Variants in PRDM16 observed in about 807,000 individuals in gnomAD.
The protein encoded by PRDM16 is PR/SET domain 16.
PRDM16 carries 23 observed loss-of-function variants against 110.6 expected under a neutral mutation model. The ratio of observed to expected loss-of-function variants is 0.21; its 90% confidence interval spans 0.15 to 0.29. The LOEUF is 0.29. Ranked by LOEUF, PRDM16 falls within the 10% of genes least tolerant of loss-of-function variation. The probability of loss-of-function intolerance (pLI) is 1.00; values close to 1 mark genes in which losing one functional copy is unlikely to be tolerated. For synonymous variants in PRDM16, 799 were observed against 781.8 expected, an observed-to-expected ratio of 1.02 and a Z score of -0.37; for missense variants, 1,615 against 1,794.3, an observed-to-expected ratio of 0.90 and a Z score of 1.81.
chr1:3,093,826 G>T (rs756845032), intron 1 of PRDM16, among the ~76,000 whole-genome samples: 1 of 152,208 alleles, frequency 6.6e-6, no homozygotes, highest in Non-Finnish European at 1.5e-5. Flanking sequence ...GCTCCGAAGC[G>T]CAGGGAAGGA....
chr1:3,359,151 C>G lies in PRDM16; in HGVS notation c.439-26001C>G, dbSNP rs1224504327. Among the ~76,000 whole-genome samples the G allele has an allele frequency of 1.3e-5, 2 of 152,204 alleles. No individual in the cohort carries two copies. Among genetic ancestry groups the G allele is most frequent in the Non-Finnish European group, 2.9e-5 (2 of 68,042 alleles). On this transcript the variant is annotated intron_variant, in intron 3 of 16. Transcript: ENST00000270722. The surrounding 1 kb of genome is among the most constrained non-coding windows in gnomAD (Gnocchi z 4.3). Reference sequence around the variant, plus strand: ...ACCTCCCGGGCTCAAGCGATCCTCCCTCCTCAGCCTCCCGAGTAGCTGGGA... The same window carrying G: ...ACCTCCCGGGCTCAAGCGATCCTCCGTCCTCAGCCTCCCGAGTAGCTGGGA...
chr1:3,316,176 A>T lies in PRDM16; in HGVS notation c.439-68976A>T, dbSNP rs535945713. ...GGGCGGGAGGGACCTTTCAGCTCTG[A>T]TTAAAGTGGCAAGTCCAGGGCCACA... is the stretch of plus-strand genomic sequence containing the variant. On this transcript the variant is annotated intron_variant, in intron 3 of 16. Transcript: ENST00000270722. 6.0e-5 allele frequency among the ~76,000 whole-genome samples: 9 copies of T among 150,862 alleles called. No individual in the cohort carries two copies. In the East Asian group the frequency reaches 1.6e-3, roughly 26 times the overall value.
At chr1:3,082,203 G>T (rs915078723) in intron 1 of PRDM16, among the ~76,000 whole-genome samples, 6 of 152,158 alleles carry the variant, frequency 3.9e-5, no homozygotes, top group African/African-American at 1.4e-4. Flanking sequence ...GGAGGCCCCC[G>T]CGGCCAGGCC....
chr1:3,106,911 G>T lies in PRDM16; in HGVS notation c.37+37615G>T, dbSNP rs531584614. Reference sequence around the variant, plus strand: ...GCAGGTGTGGCTCCATGACAACAGCGCCTGGGGCCAACAGAGCCCTGCCAC... The same window carrying T: ...GCAGGTGTGGCTCCATGACAACAGCTCCTGGGGCCAACAGAGCCCTGCCAC... On this transcript the variant is annotated intron_variant, in intron 1 of 16. Transcript: ENST00000270722. 7.4e-4 allele frequency among the ~76,000 whole-genome samples: 113 copies of T among 152,296 alleles called. 1 individual carries two copies. Among genetic ancestry groups the T allele is most frequent in the Middle Eastern group, 3.4e-3 (1 of 294 alleles).
chr1:3,134,861 G>A (rs994594019), intron 1 of PRDM16, among the ~76,000 whole-genome samples: 2 of 152,246 alleles, frequency 1.3e-5, no homozygotes, highest in Admixed American at 6.5e-5. Context: ...CCGAACCCGC[G>A]TGGGACACCC....
At chr1:3,377,814 T>C (rs1557641522) in intron 3 of PRDM16, among the ~76,000 whole-genome samples, 1 of 152,190 alleles carries the variant, frequency 6.6e-6, no homozygotes, top group Non-Finnish European at 1.5e-5. Context: ...CCTGTGTTCA[T>C]TGATCACGCG....
chr1:3,316,588 C>T (rs775058302), intron 3 of PRDM16, among the ~76,000 whole-genome samples: 1 of 152,112 alleles, frequency 6.6e-6, no homozygotes, highest in African/African-American at 2.4e-5. Context: ...ACAGGGTAGA[C>T]AGGAAACAGC....
At chr1:3,230,346 C>A (rs1015891414) in intron 2 of PRDM16, among the ~76,000 whole-genome samples, 3 of 152,216 alleles carry the variant, frequency 2.0e-5, no homozygotes, top group African/African-American at 7.2e-5. Flanking sequence ...TGGGACGAGT[C>A]CTTGGGGTAG....
chr1:3,215,829 G>A (rs887314059), intron 2 of PRDM16, among the ~76,000 whole-genome samples: 4 of 152,122 alleles, frequency 2.6e-5, no homozygotes, highest in Admixed American at 6.5e-5. Flanking sequence ...AAGGCGCGGC[G>A]TCGGCAACAA....
At chr1:3,394,461 G>A (rs575051145) in intron 4 of PRDM16, 2 of 419,646 alleles carry the variant, frequency 4.8e-6, no homozygotes, top group African/African-American at 4.7e-5. Context: ...CTCACGTCAG[G>A]ACCCTCGACG....
chr1:3,438,258 A>G lies in PRDM16; in HGVS notation c.*4447A>G, dbSNP rs1464032048. 1 of 201,096 alleles carries G rather than the reference A, an allele frequency of 5.0e-6. No homozygotes were observed. Among genetic ancestry groups the G allele is most frequent in the African/African-American group, 2.3e-5 (1 of 43,502 alleles). The allele number at this position is 201,096 out of a possible 1,614,324, so 12.5% of individuals were successfully genotyped here. A position where few individuals can be genotyped will look rare whatever the true frequency, so the allele number is the denominator to read the frequency against. On this transcript the variant is annotated 3_prime_UTR_variant, in exon 17 of 17. Coordinates refer to ENST00000270722, the MANE Select transcript of PRDM16 (RefSeq NM_022114.4). The stretch of plus-strand genomic sequence containing the variant: ...TGTTGGTGAAATTTTTATTAAAAGG[A>G]AAATTCTGTAGATGCACTTATTGAA...
rs1643131424 is a variant in PRDM16, at chr1:3,382,996, G to A, written c.439-2156G>A. ...CCGCCAATGTTTTCCTCGGGCTCCAGCCCCTAGCCTAGTTATGCTTCTTGG... is the reference window on the plus strand; with the variant it reads ...CCGCCAATGTTTTCCTCGGGCTCCAACCCCTAGCCTAGTTATGCTTCTTGG... On this transcript the variant is annotated intron_variant, in intron 3 of 16. Coordinates refer to ENST00000270722, the MANE Select transcript of PRDM16 (RefSeq NM_022114.4). The surrounding 1 kb of genome is among the most constrained non-coding windows in gnomAD (Gnocchi z 6.6). Among the ~76,000 whole-genome samples, 2 of 152,222 alleles carry A rather than the reference G, an allele frequency of 1.3e-5. No individual in the cohort carries two copies. Among genetic ancestry groups the A allele is most frequent in the Admixed American group, 1.3e-4 (2 of 15,292 alleles).
chr1:3,229,807 C>T (rs989255028), intron 2 of PRDM16, among the ~76,000 whole-genome samples: 11 of 152,182 alleles, frequency 7.2e-5, no homozygotes, highest in Non-Finnish European at 8.8e-5. Context: ...GGAGCAGCCC[C>T]CAGAGGAGCC....
At chr1:3,114,175 G>GCACA (rs59552389) in intron 1 of PRDM16, among the ~76,000 whole-genome samples, 5 of 112,896 alleles carry the variant, frequency 4.4e-5, no homozygotes, top group Admixed American at 1.7e-4. Context: ...GCACACACAC[G>GCACA]CACACACACG....
rs1441763517 is a variant in PRDM16 at position 3,129,582 on chromosome 1, G to A, written c.38-56543G>A. 2.0e-5 allele frequency among the ~76,000 whole-genome samples: 3 copies of A among 152,110 alleles called. No homozygotes were observed. The East Asian group carries it at 5.8e-4, about 29-fold the overall frequency. On this transcript the variant is annotated intron_variant, in intron 1 of 16. Transcript: ENST00000270722. The stretch of plus-strand genomic sequence containing the variant: ...GGCAGACCCTCCCTGCTGGGTGCTT[G>A]AAGCTGAGGGTCAGGACGGGATGGG...
intron 3 of PRDM16, among the ~76,000 whole-genome samples, chr1:3,298,171 C>T (rs1253685146): frequency 6.6e-6 from 1 of 152,252 alleles, no homozygotes; most frequent in Non-Finnish European, 1.5e-5. Flanking sequence ...ATCTTCCACT[C>T]CTTAAATCAG....
chr1:3,202,790 C>T (rs1638663772), intron 2 of PRDM16, among the ~76,000 whole-genome samples: 1 of 152,186 alleles, frequency 6.6e-6, no homozygotes, highest in African/African-American at 2.4e-5. Context: ...GCTGCTGAGA[C>T]CTTGAGCAAG....
intron 3 of PRDM16, among the ~76,000 whole-genome samples, chr1:3,381,331 C>T (rs1214875007): frequency 1.3e-5 from 2 of 151,428 alleles, no homozygotes; most frequent in African/African-American, 4.9e-5. Flanking sequence ...ATTGTTTTTC[C>T]AGGGATTTAT....
intron 12 of PRDM16, among the ~76,000 whole-genome samples, chr1:3,419,228 C>A (rs1436857297): frequency 6.6e-6 from 1 of 152,202 alleles, no homozygotes; most frequent in Non-Finnish European, 1.5e-5. Context: ...CGGGTCCCCA[C>A]CCCCCACTTG....
Sources: gnomAD v4.1 joint callset for allele counts (sites outside exome capture counted in the v4.1 genomes callset) on GRCh38, gnomAD v4.1.1 for gene constraint, Gnocchi (gnomAD v3.1) non-coding constraint, MANE v1.5 for transcripts, NCBI Gene and HGNC (gene_info 2026-07-23, HGNC 2026-07-21) for gene names.